ZMIZ1: variants seen among roughly 807,000 people sequenced by gnomAD.
The protein encoded by ZMIZ1 is zinc finger MIZ-type containing 1, also known as zinc finger MIZ domain-containing protein 1.
In ZMIZ1, 17 loss-of-function variants were observed where a neutral mutation model predicts 113.9. The ratio of observed to expected loss-of-function variants is 0.15; its 90% confidence interval spans 0.10 to 0.22. The LOEUF (loss-of-function observed/expected upper bound fraction) is 0.22. Ranked by LOEUF, ZMIZ1 falls within the 10% of genes least tolerant of loss-of-function variation. ZMIZ1 has a pLI of 1.00. For missense variants in ZMIZ1, 1,059 were observed against 1,477.8 expected (o/e 0.72, Z 4.65); for synonymous variants, 607 against 603.1 (o/e 1.01, Z -0.09).
At chr10:79,287,347 C>A (rs1432171317) in intron 8 of ZMIZ1, among the ~76,000 whole-genome samples, 2 of 152,234 alleles carry the variant, frequency 1.3e-5, no homozygotes, top group Non-Finnish European at 2.9e-5. Context: ...CACCTTTGGC[C>A]CAAGCATCTG....
At chr10:79,099,834 G>A (rs1357156223) in intron 1 of ZMIZ1, among the ~76,000 whole-genome samples, 1 of 152,144 alleles carries the variant, frequency 6.6e-6, no homozygotes, top group East Asian at 1.9e-4. Context: ...TGAAAAAGCA[G>A]GTAGGTCTTC....
intron 1 of ZMIZ1, among the ~76,000 whole-genome samples, chr10:79,110,607 T>C (rs1843703257): frequency 6.6e-6 from 1 of 152,226 alleles, no homozygotes; most frequent in East Asian, 1.9e-4. Flanking sequence ...GGACTCTGAA[T>C]GCTGTGCCCT....
In ZMIZ1 at chr10:79,208,374, G is replaced by A. The variant is rs200466336; in HGVS notation, c.99G>A (p.Thr33=). The A allele has an allele frequency of 2.4e-5, 39 of 1,614,140 alleles. No individual in the cohort carries two copies. The highest frequency in any genetic ancestry group is 2.8e-5 in the Non-Finnish European group (33 of 1,180,034). ...CTGCCAACTTCCACAATGCCGCCAC[G>A]GAGCTGCTGGACTGGTGCGGAGACC... ...QNPANFHNAA[T]ELLDWCGDPR... Residue 33 remains threonine, a synonymous_variant, in exon 6 of 25, where the codon ACG becomes ACA. Transcript: ENST00000334512.
chr10:79,292,245 C>CGCT lies in ZMIZ1; in HGVS notation c.849_851dup (p.Ala287dup), dbSNP rs957272829. The CGCT allele has an allele frequency of 2.5e-6, 4 of 1,612,282 alleles. No individual in the cohort carries two copies. The highest frequency in any genetic ancestry group is 3.4e-6 in the Non-Finnish European group (4 of 1,179,710). Reference sequence around the variant, plus strand: ...CTGACTTCACTCAGCCCGCGGCAGCCGCTGCAGCAGCGGCAGTGGCAGCAG... The same window carrying CGCT: ...CTGACTTCACTCAGCCCGCGGCAGCCGCTGCTGCAGCAGCGGCAGTGGCAGCAG... On this transcript the variant is annotated inframe_insertion, in exon 11 of 25. Coordinates refer to ENST00000334512, the MANE Select transcript of ZMIZ1 (RefSeq NM_020338.4).
chr10:79,307,805 C>T (rs1329456114), intron 23 of ZMIZ1, among the ~76,000 whole-genome samples: 1 of 151,992 alleles, frequency 6.6e-6, no homozygotes, highest in Non-Finnish European at 1.5e-5. Flanking sequence ...GCTTCAGGCT[C>T]TTCCCCAAAC....
At chr10:79,079,450 G>C (rs1165521541) in intron 1 of ZMIZ1, among the ~76,000 whole-genome samples, 3 of 152,258 alleles carry the variant, frequency 2.0e-5, no homozygotes, top group Non-Finnish European at 2.9e-5. Flanking sequence ...CCGTTGAATG[G>C]AGTGGAACTG....
At chr10:79,250,617 A>G (rs1003188136) in intron 7 of ZMIZ1, among the ~76,000 whole-genome samples, 8 of 152,350 alleles carry the variant, frequency 5.3e-5, no homozygotes, top group Middle Eastern at 3.4e-3. Flanking sequence ...GATTTGCACA[A>G]GGACTTCTTC....
chr10:79,109,305 G>T (rs7086204), intron 1 of ZMIZ1, among the ~76,000 whole-genome samples: 6 of 152,146 alleles, frequency 3.9e-5, no homozygotes, highest in East Asian at 1.9e-4. Context: ...TGCAACTGCC[G>T]CCTCATCCTG....
At chr10:79,291,731 C>A (rs1035769082) in intron 10 of ZMIZ1, among the ~76,000 whole-genome samples, 2 of 152,206 alleles carry the variant, frequency 1.3e-5, no homozygotes, top group Admixed American at 1.3e-4. Flanking sequence ...TGCCTAAGAC[C>A]CCCACCTTGG....
chr10:79,252,173 GGCAGGCTCCT>G (rs552346637), intron 7 of ZMIZ1, among the ~76,000 whole-genome samples: 134 of 152,260 alleles, frequency 8.8e-4, no homozygotes, highest in Admixed American at 1.4e-3. Context: ...GGCCTCAGGA[GGCAGGCTCCT>G]GCAGGCTCCT....
intron 4 of ZMIZ1, among the ~76,000 whole-genome samples, chr10:79,193,649 T>C (rs1366944448): frequency 2.6e-5 from 4 of 152,294 alleles, no homozygotes; most frequent in African/African-American, 9.6e-5. Flanking sequence ...AGCCCTCATC[T>C]AGTGCTGCTA....
intron 2 of ZMIZ1, among the ~76,000 whole-genome samples, chr10:79,120,837 A>G (rs952259249): frequency 2.0e-5 from 3 of 152,196 alleles, no homozygotes; most frequent in Non-Finnish European, 2.9e-5. Flanking sequence ...TGGGCATGAC[A>G]GTCCACCCTG....
intron 4 of ZMIZ1, among the ~76,000 whole-genome samples, chr10:79,181,907 G>T (rs1461018587): frequency 6.6e-6 from 1 of 152,334 alleles, no homozygotes; most frequent in African/African-American, 2.4e-5. Context: ...AGCTGAGGGC[G>T]GCTGCTGGAC....
chr10:79,264,028 C>A (rs994867672), intron 7 of ZMIZ1, among the ~76,000 whole-genome samples: 1 of 152,200 alleles, frequency 6.6e-6, no homozygotes, highest in East Asian at 1.9e-4. Flanking sequence ...GAGCCAGCAA[C>A]GGGCAGTGAT....
intron 1 of ZMIZ1, among the ~76,000 whole-genome samples, chr10:79,092,719 C>T (rs1254725481): frequency 6.6e-6 from 1 of 152,196 alleles, no homozygotes; most frequent in African/African-American, 2.4e-5. Context: ...TGGTTACAAA[C>T]CCATATCAGA....
At chr10:79,121,449 C>T (rs1303134785) in intron 2 of ZMIZ1, among the ~76,000 whole-genome samples, 2 of 152,344 alleles carry the variant, frequency 1.3e-5, no homozygotes, top group African/African-American at 2.4e-5. Context: ...GCATACCTGC[C>T]ATTTTCTTGC....
chr10:79,108,245 G>A (rs1238068747), intron 1 of ZMIZ1, among the ~76,000 whole-genome samples: 2 of 152,174 alleles, frequency 1.3e-5, no homozygotes, highest in Non-Finnish European at 2.9e-5. Flanking sequence ...GAGCAGCCCT[G>A]GGAGGTCCCA....
At chr10:79,290,831 T>G in intron 9 of ZMIZ1, 128 bp from the exon 10 acceptor site, 2 of 1,101,914 alleles carry the variant, frequency 1.8e-6, no homozygotes, top group Non-Finnish European at 2.7e-6. Flanking sequence ...CACCCTCCAT[T>G]TTTTTCCTCC....
chr10:79,168,059 GAACAGCCCCTCCA>G (rs773935887), intron 4 of ZMIZ1, among the ~76,000 whole-genome samples: 34 of 152,316 alleles, frequency 2.2e-4, no homozygotes, highest in Non-Finnish European at 2.5e-4. Context: ...GCTGGCGGCA[GAACAGCCCCTCCA>G]GAGCCCTCTA....
Sources: gnomAD v4.1 joint callset for allele counts (sites outside exome capture counted in the v4.1 genomes callset) on GRCh38, gnomAD v4.1.1 for gene constraint, MANE v1.5 for transcripts, NCBI Gene and HGNC (gene_info 2026-07-23, HGNC 2026-07-21) for gene names.